The following SMARCA1 variants were observed in gnomAD, a reference collection of about 807,000 sequenced individuals.
The protein encoded by SMARCA1 is SWI/SNF-related matrix-associated actin-dependent regulator of chromatin subfamily A member 1.
Under a neutral mutation model 93.6 loss-of-function variants are expected in SMARCA1, and 17 were observed. The ratio of observed to expected loss-of-function variants is 0.18; its 90% confidence interval spans 0.12 to 0.27. The LOEUF is 0.27. Ranked by LOEUF, SMARCA1 falls within the 10% of genes least tolerant of loss-of-function variation. The probability of loss-of-function intolerance (pLI) is 1.00; values close to 1 mark genes in which losing one functional copy is unlikely to be tolerated. For synonymous variants in SMARCA1, 271 were observed against 271.4 expected, an observed-to-expected ratio of 1.00 and a Z score of 0.01; for missense variants, 630 against 819.0, an observed-to-expected ratio of 0.77 and a Z score of 2.82.
chrX:129,480,049 T>C (rs978741441), intron 19 of SMARCA1, among the ~76,000 whole-genome samples: 5 of 111,940 alleles, frequency 4.5e-5, no homozygotes, highest in African/African-American at 6.5e-5. Context: ...TGGTCATCTC[T>C]CTCCATTCAC....
chrX:129,488,792 A>G (rs1373852828), intron 16 of SMARCA1, 145 bp downstream of exon 16: 3 of 387,987 alleles, frequency 7.7e-6, no homozygotes, highest in Non-Finnish European at 1.3e-5. Context: ...CCCTGGAAAT[A>G]GATCTACAAG....
chrX:129,473,337 G>A lies in SMARCA1; in HGVS notation c.2443-2011C>T. ...GACTAGGATGGTGGCAAATGGAAAT[G>A]GAAAAGGTGTACATTTAAAATGAAA... On this transcript the variant is annotated intron_variant, in intron 19 of 24. Coordinates refer to ENST00000371121, the MANE Select transcript of SMARCA1 (RefSeq NM_001282874.2). Among the ~76,000 whole-genome samples, 2 of 111,593 alleles carry A rather than the reference G, an allele frequency of 1.8e-5. 1 individual carries two copies. Among genetic ancestry groups the A allele is most frequent in the Middle Eastern group, 9.3e-3 (2 of 216 alleles).
chrX:129,507,076 T>C (rs1934844353), intron 7 of SMARCA1, among the ~76,000 whole-genome samples: 1 of 112,082 alleles, frequency 8.9e-6, no homozygotes, highest in Non-Finnish European at 1.9e-5. Flanking sequence ...AATTATTCTC[T>C]AGCATGTGTC....
intron 8 of SMARCA1, 130 bp from the exon 9 acceptor site, chrX:129,504,932 T>C (rs1169002987): frequency 4.7e-6 from 2 of 428,140 alleles, no homozygotes; most frequent in Non-Finnish European, 8.1e-6. Context: ...TTATCAGCTG[T>C]GATAGCTACT....
Position 129,515,776 on chromosome X carries a change from C to T in SMARCA1, c.541G>A (p.Gly181Arg). 1.7e-6 allele frequency: 2 copies of T among 1,193,614 alleles called. No homozygotes were observed. The highest frequency in any genetic ancestry group is 2.3e-6 in the Non-Finnish European group (2 of 879,204). ...CGAATCTGATAATCTCTCAGTGGCC[C>T]CCCTTTCACATCTGGTGAAAAAATG... ...FEVSPSYVKG[G>R]PLRDYQIRGL... Residue 181 changes from glycine to arginine, a missense_variant, in exon 5 of 25, where the codon GGG (glycine) becomes AGG (arginine). Around this residue, in one of 4 missense-constraint regions of SMARCA1, gnomAD observed 382 missense variants for 537.9 expected, o/e 0.71. Coordinates refer to ENST00000371121, the MANE Select transcript of SMARCA1 (RefSeq NM_001282874.2).
intron 23 of SMARCA1, among the ~76,000 whole-genome samples, chrX:129,455,251 T>C (rs781390713): frequency 2.7e-5 from 3 of 111,631 alleles, no homozygotes; most frequent in African/African-American, 6.5e-5. Flanking sequence ...GTGGCACATA[T>C]ACCCCCATGG....
chrX:129,511,705 T>C (rs1469932116), intron 6 of SMARCA1, 99 bp downstream of exon 6: 3 of 618,581 alleles, frequency 4.8e-6, no homozygotes, highest in Non-Finnish European at 7.6e-6. Context: ...TCTTATTTAG[T>C]AGTAGTCAAC....
chrX:129,512,125 AAATACCT>A (rs1935039619), intron 5 of SMARCA1, 142 bp from the exon 6 acceptor site: 2 of 464,721 alleles, frequency 4.3e-6, no homozygotes, highest in African/African-American at 2.4e-5. Context: ...TAAAAATACC[AAATACCT>A]TTTTTTAAAG....
intron 23 of SMARCA1, among the ~76,000 whole-genome samples, chrX:129,460,716 A>G (rs1484595917): frequency 1.8e-5 from 2 of 111,973 alleles, no homozygotes; most frequent in Non-Finnish European, 3.8e-5. Context: ...AGCAGCAAAT[A>G]GAAGTGTTAC....
chrX:129,515,817 C>T (rs1003254431), intron 4 of SMARCA1, 30 bp from the exon 5 acceptor site: 2 of 1,149,402 alleles, frequency 1.7e-6, no homozygotes, highest in African/African-American at 3.6e-5. Context: ...ACATTTCATA[C>T]TTTCATTAAC....
At chrX:129,481,022 G>T in intron 18 of SMARCA1, 53 bp downstream of exon 18, 1 of 774,803 alleles carries the variant, frequency 1.3e-6, no homozygotes, top group Non-Finnish European at 1.9e-6. Context: ...CATAGATCAT[G>T]TTGCAACAGA....
At chrX:129,514,098 C>T (rs750679216) in intron 5 of SMARCA1, among the ~76,000 whole-genome samples, 4 of 112,723 alleles carry the variant, frequency 3.5e-5, no homozygotes, top group African/African-American at 6.4e-5. Context: ...GAGGCCAAGG[C>T]GGGAGGATCA....
chrX:129,509,102 G>A (rs1413602262), intron 6 of SMARCA1, among the ~76,000 whole-genome samples: 4 of 108,978 alleles, frequency 3.7e-5, no homozygotes, highest in African/African-American at 6.7e-5. Context: ...CAGGAGAATC[G>A]CTTGAACCCA....
At chrX:129,516,215 C>A in intron 3 of SMARCA1, 116 bp downstream of exon 3, 1 of 716,060 alleles carries the variant, frequency 1.4e-6, no homozygotes, top group Non-Finnish European at 2.1e-6. Flanking sequence ...TTTTTTGTCA[C>A]ATGAAGGTAT....
chrX:129,497,171 G>A (rs756200206), intron 11 of SMARCA1, among the ~76,000 whole-genome samples: 7 of 110,706 alleles, frequency 6.3e-5, no homozygotes, highest in Non-Finnish European at 1.1e-4. Context: ...GGGTCCACAG[G>A]CTCTCTCACT....
chrX:129,470,492 C>A (rs1423081636), intron 20 of SMARCA1, among the ~76,000 whole-genome samples: 1 of 111,075 alleles, frequency 9.0e-6, no homozygotes, highest in African/African-American at 3.3e-5. Context: ...GAAATTATTC[C>A]ATTAATAAAA....
Position 129,471,298 on chromosome X carries a change from G to A in SMARCA1, c.2471C>T (p.Pro824Leu). The change falls in exon 20 of 25, where the codon CCA becomes CTA. Residue 824 changes from proline (P) to leucine (L), a missense_variant. Physicochemically the swap from Pro to Leu is moderately conservative, Grantham distance 98 (BLOSUM62 -3). Transcript: ENST00000371121. Reference sequence around the variant, plus strand: ...TTGCTCTTCTCTTTGAGCCAGAGCTGGATTTGGGATATCAGGATTCCTTGG... The same window carrying A: ...TTGCTCTTCTCTTTGAGCCAGAGCTAGATTTGGGATATCAGGATTCCTTGG... ...KVPRNPDIPNPALAQREEQKK... is the reference protein window; with the variant it reads ...KVPRNPDIPNLALAQREEQKK... 8.3e-7 allele frequency: 1 copy of A among 1,198,661 alleles called. No homozygotes were observed. The highest frequency in any genetic ancestry group is 1.1e-6 in the Non-Finnish European group (1 of 885,231).
chrX:129,519,327 A>G (rs764091523), intron 1 of SMARCA1, among the ~76,000 whole-genome samples: 6 of 111,640 alleles, frequency 5.4e-5, no homozygotes, highest in Admixed American at 1.9e-4. Context: ...TAAAAACACA[A>G]ATCTACCCAC....
intron 23 of SMARCA1, among the ~76,000 whole-genome samples, chrX:129,453,018 C>A (rs942453238): frequency 3.6e-5 from 4 of 111,373 alleles, no homozygotes; most frequent in Non-Finnish European, 5.7e-5. Flanking sequence ...TGAGGTACCA[C>A]GAATCACAAC....
Sources: allele counts gnomAD v4.1 joint callset (sites outside exome capture counted in the v4.1 genomes callset), GRCh38; gene constraint gnomAD v4.1.1; regional missense constraint gnomAD v4.1.1; transcripts MANE v1.5; gene names NCBI Gene and HGNC (gene_info 2026-07-23, HGNC 2026-07-21).